The following SNX25 variants were observed in gnomAD, a reference collection of about 807,000 sequenced individuals.
The protein encoded by SNX25 is sorting nexin 25.
Under a neutral mutation model 113.7 loss-of-function variants are expected in SNX25, and 62 were observed. The observed-to-expected ratio is 0.55, with a 90% CI of 0.44 to 0.67. The LOEUF (loss-of-function observed/expected upper bound fraction) is 0.67. SNX25 is among the 30% of genes least tolerant of loss of function. The pLI is 0.00. For synonymous variants in SNX25, 421 were observed against 436.2 expected, an observed-to-expected ratio of 0.97 and a Z score of 0.43; for missense variants, 1,014 against 1,161.0, an observed-to-expected ratio of 0.87 and a Z score of 1.84.
At chr4:185,320,481 G>T (rs2095111176) in intron 7 of SNX25, among the ~76,000 whole-genome samples, 1 of 152,054 alleles carries the variant, frequency 6.6e-6, no homozygotes, top group African/African-American at 2.4e-5. Flanking sequence ...TATTGGGGGT[G>T]GGGGCAAGGG....
rs556454701 is a variant in SNX25, at chr4:185,353,293, G to C, written c.2467-192G>C. ...TTTAAATTAGCTTATTTTAAGCCTT[G>C]AATAAGGCTCGAGAATCAAGCTTTT... On this transcript the variant is annotated intron_variant, in intron 14 of 18. Transcript: ENST00000652585. 3 of 489,696 alleles carry C rather than the reference G, an allele frequency of 6.1e-6. No individual in the cohort carries two copies. The Admixed American group carries it at 1.0e-4, about 17-fold the overall frequency. The allele number at this position is 489,696 out of a possible 1,614,324, so 30.3% of individuals were successfully genotyped here.
At chr4:185,356,350 C>T (rs1386685449) in intron 15 of SNX25, among the ~76,000 whole-genome samples, 1 of 152,114 alleles carries the variant, frequency 6.6e-6, no homozygotes, top group Non-Finnish European at 1.5e-5. Context: ...CCTAGAGTTG[C>T]ACTTGTCCTC....
chr4:185,286,855 G>T (rs963685268), intron 5 of SNX25, among the ~76,000 whole-genome samples: 2 of 152,192 alleles, frequency 1.3e-5, no homozygotes, highest in Admixed American at 6.5e-5. Context: ...GTGCAAATTT[G>T]TGAGGAGTCC....
chr4:185,247,487 T>A (rs1054964120), intron 2 of SNX25, 109 bp downstream of exon 2: 1 of 843,178 alleles, frequency 1.2e-6, no homozygotes, highest in African/African-American at 1.7e-5. Flanking sequence ...CATGTAGTGT[T>A]AGGAATTTTT....
At chr4:185,378,347 A>G in the SNX25 span, 1 of 1,435,378 alleles carries the variant, frequency 7.0e-7, no homozygotes, top group Admixed American at 2.9e-5. Context: ...CACCAACTCC[A>G]GGACGTGAAC....
chr4:185,348,145 C>T (rs973535564), intron 13 of SNX25, among the ~76,000 whole-genome samples: 1 of 151,718 alleles, frequency 6.6e-6, no homozygotes, highest in Non-Finnish European at 1.5e-5. Flanking sequence ...CTTTTTTTTC[C>T]TTTGCTGCAC....
At position 185,209,720 on chromosome 4, in the gene SNX25, G is replaced by T; in HGVS notation, c.-107G>T. On this transcript the variant is annotated 5_prime_UTR_variant, in exon 1 of 19. Coordinates refer to ENST00000652585, the MANE Select transcript of SNX25 (RefSeq NM_001378034.2). The surrounding 1 kb of genome is among the most constrained non-coding windows in gnomAD (Gnocchi z 5.2). Reference sequence around the variant, plus strand: ...CGGCGTCTGCGGGGGCCGCTCCCTCGGTGGGCCGCGGGCGAGGCATGAGCG... The same window carrying T: ...CGGCGTCTGCGGGGGCCGCTCCCTCTGTGGGCCGCGGGCGAGGCATGAGCG... 1 of 984,054 alleles carries T rather than the reference G, an allele frequency of 1.0e-6. No individual in the cohort carries two copies. The highest frequency in any genetic ancestry group is 1.2e-6 in the Non-Finnish European group (1 of 829,296). The allele number at this position is 984,054 out of a possible 1,614,324, so 61.0% of individuals were successfully genotyped here. A position where few individuals can be genotyped will look rare whatever the true frequency, so the allele number is the denominator to read the frequency against.
At chr4:185,316,141 A>T (rs942298268) in intron 7 of SNX25, among the ~76,000 whole-genome samples, 1 of 152,186 alleles carries the variant, frequency 6.6e-6, no homozygotes, top group Non-Finnish European at 1.5e-5. Flanking sequence ...CCTTTTATCC[A>T]TATTTATGTA....
Position 185,346,661 on chromosome 4 carries a change from G to A in SNX25, c.2301+11G>A. 1.3e-6 allele frequency: 2 copies of A among 1,502,768 alleles called. No individual in the cohort carries two copies. Among genetic ancestry groups the A allele is most frequent in the Non-Finnish European group, 1.8e-6 (2 of 1,108,304 alleles). The allele number at this position is 1,502,768 out of a possible 1,614,324, so 93.1% of individuals were successfully genotyped here. On this transcript the variant is annotated intron_variant, in intron 13 of 18. Transcript: ENST00000652585. ...AATAAGTTTTTACAGGTAAGCAAGT[G>A]AAAAATGTGGGATATGAGAGAAAAA...
chr4:185,345,887 T>A (rs2095283530), intron 12 of SNX25, among the ~76,000 whole-genome samples: 1 of 152,170 alleles, frequency 6.6e-6, no homozygotes, highest in South Asian at 2.1e-4. Context: ...TGACTGGGTC[T>A]CACTCTGTCT....
At position 185,213,404 on chromosome 4, in the gene SNX25, C is replaced by T. The variant is rs191255023; in HGVS notation, c.429+3149C>T. On this transcript the variant is annotated intron_variant, in intron 1 of 18. Coordinates refer to ENST00000652585, the MANE Select transcript of SNX25 (RefSeq NM_001378034.2). ...ACTTCCGTGGTATCTTCAGATAGCA[C>T]AGAAGGTTTTGTGAAGGTCAGGAAG... Among the ~76,000 whole-genome samples the T allele has an allele frequency of 2.0e-5, 3 of 152,292 alleles. No individual in the cohort carries two copies. The East Asian group carries it at 5.8e-4, about 29-fold the overall frequency.
chr4:185,253,407 G>A (rs1042557551), intron 2 of SNX25, among the ~76,000 whole-genome samples: 4 of 151,516 alleles, frequency 2.6e-5, no homozygotes, highest in East Asian at 1.9e-4. Flanking sequence ...ATTAAATACC[G>A]TTACCCTCAT....
chr4:185,317,785 G>A (rs1390029744), intron 7 of SNX25, among the ~76,000 whole-genome samples: 1 of 152,098 alleles, frequency 6.6e-6, no homozygotes, highest in Non-Finnish European at 1.5e-5. Flanking sequence ...GGGCCTGTCG[G>A]GGGGTGAGGG....
At chr4:185,315,230 A>C (rs2095063064) in intron 7 of SNX25, among the ~76,000 whole-genome samples, 1 of 131,222 alleles carries the variant, frequency 7.6e-6, no homozygotes, top group Non-Finnish European at 1.7e-5. Flanking sequence ...TCCATCTCAA[A>C]AAAAAAGAAA....
chr4:185,250,342 C>A (rs1745466553), intron 2 of SNX25, among the ~76,000 whole-genome samples: 1 of 152,220 alleles, frequency 6.6e-6, no homozygotes, highest in Non-Finnish European at 1.5e-5. Flanking sequence ...CTCTTTGAGT[C>A]TTCCAGCTGT....
At chr4:185,262,537 G>C (rs1222824951) in intron 3 of SNX25, among the ~76,000 whole-genome samples, 1 of 152,150 alleles carries the variant, frequency 6.6e-6, no homozygotes, top group East Asian at 1.9e-4. Flanking sequence ...GTAATTTAAA[G>C]AGTTGGGACT....
chr4:185,377,828 C>T, the SNX25 span: 2 of 364,052 alleles, frequency 5.5e-6, no homozygotes, highest in Non-Finnish European at 9.8e-6. Context: ...CATCTGCTTT[C>T]TGTTTTCTAG....
downstream of SNX25, among the ~76,000 whole-genome samples, chr4:185,368,035 A>G (rs753522608): frequency 3.3e-5 from 5 of 152,180 alleles, no homozygotes; most frequent in East Asian, 5.8e-4. Context: ...AAAATTAGCC[A>G]GGCGTGGTGG....
chr4:185,282,665 G>T (rs1347577435), intron 5 of SNX25, among the ~76,000 whole-genome samples: 1 of 152,166 alleles, frequency 6.6e-6, no homozygotes, highest in Non-Finnish European at 1.5e-5. Context: ...CTTGTCACTG[G>T]GACAAAGGAT....
Sources: gnomAD v4.1 joint callset for allele counts (sites outside exome capture counted in the v4.1 genomes callset) on GRCh38, gnomAD v4.1.1 for gene constraint, Gnocchi (gnomAD v3.1) non-coding constraint, MANE v1.5 for transcripts, NCBI Gene and HGNC (gene_info 2026-07-23, HGNC 2026-07-21) for gene names.